Variants in LHFPL7 observed in about 807,000 individuals in gnomAD.
The protein encoded by LHFPL7 is LHFPL tetraspan subfamily member 7 protein.
the LHFPL7 span, chr22:24,935,662 G>A: frequency 2.0e-4 from 312 of 1,547,016 alleles, no homozygotes; most frequent in Non-Finnish European, 2.6e-4. Context: ...TCCATCCCAC[G>A]ACTCATCCAC....
the LHFPL7 span, among the ~76,000 whole-genome samples, chr22:24,946,293 G>C: frequency 6.6e-6 from 1 of 152,094 alleles, no homozygotes; most frequent in Non-Finnish European, 1.5e-5. Flanking sequence ...CTGGGCGACA[G>C]AGCAAGACTG....
chr22:24,939,338 C>T, the LHFPL7 span: 1 of 702,938 alleles, frequency 1.4e-6, no homozygotes, highest in South Asian at 1.5e-5. Flanking sequence ...CTCTCACCTT[C>T]CAGGCAAAGT....
the LHFPL7 span, among the ~76,000 whole-genome samples, chr22:24,946,008 G>T: frequency 2.0e-5 from 3 of 152,176 alleles, no homozygotes; most frequent in Non-Finnish European, 2.9e-5. Flanking sequence ...TTGAAGATAT[G>T]ATTTAAAACT....
chr22:24,937,343 C>G, the LHFPL7 span, among the ~76,000 whole-genome samples: 22 of 152,240 alleles, frequency 1.4e-4, 1 homozygote, highest in East Asian at 1.5e-3. Context: ...ATATGAGCAA[C>G]AGATTGCAAA....
At chr22:24,938,014 C>T in the LHFPL7 span, 10 of 1,334,810 alleles carry the variant, frequency 7.5e-6, no homozygotes, top group Non-Finnish European at 9.0e-6. Context: ...GAATAGTCAA[C>T]AATCCTAGGG....
chr22:24,938,350 C>G, the LHFPL7 span: 3 of 1,612,120 alleles, frequency 1.9e-6, no homozygotes, highest in South Asian at 3.3e-5. Context: ...CTCCGAGGAG[C>G]ATCACAGCTG....
chr22:24,939,308 C>G, the LHFPL7 span: 1 of 702,612 alleles, frequency 1.4e-6, no homozygotes. Flanking sequence ...CCCTGAAGAC[C>G]CAGTGACTTG....
chr22:24,936,384 A>G, the LHFPL7 span, among the ~76,000 whole-genome samples: 75 of 152,222 alleles, frequency 4.9e-4, no homozygotes, highest in African/African-American at 1.7e-3. Flanking sequence ...CCATCCATCT[A>G]TCCATTCATC....
At chr22:24,935,370 G>A in the LHFPL7 span, 2 of 1,613,954 alleles carry the variant, frequency 1.2e-6, no homozygotes, top group Non-Finnish European at 1.7e-6. Flanking sequence ...GATTCTCTCG[G>A]TGGCACTGGA....
the LHFPL7 span, among the ~76,000 whole-genome samples, chr22:24,940,757 C>G: frequency 2.1e-5 from 3 of 140,682 alleles, no homozygotes; most frequent in South Asian, 5.2e-4. Flanking sequence ...TTCCCTCCCT[C>G]CCTCCCTCCT....
the LHFPL7 span, among the ~76,000 whole-genome samples, chr22:24,938,912 A>G: frequency 6.6e-6 from 1 of 152,220 alleles, no homozygotes; most frequent in Admixed American, 6.5e-5. Flanking sequence ...GTTGGGGGCC[A>G]TCATAGATTT....
the LHFPL7 span, chr22:24,939,559 G>A: frequency 7.1e-6 from 5 of 702,414 alleles, no homozygotes; most frequent in Admixed American, 8.0e-5. Context: ...TGACCTAGGG[G>A]TCAACAGGGA....
At chr22:24,937,825 C>T in the LHFPL7 span, among the ~76,000 whole-genome samples, 3 of 152,210 alleles carry the variant, frequency 2.0e-5, no homozygotes, top group African/African-American at 7.2e-5. Context: ...CATGCTTGCA[C>T]AGTGCACAAC....
chr22:24,935,233 G>A, the LHFPL7 span: 1 of 1,483,298 alleles, frequency 6.7e-7, no homozygotes, highest in Non-Finnish European at 9.0e-7. Flanking sequence ...CTTGCCTGAA[G>A]TCACACAGCA....
At chr22:24,938,325 C>G in the LHFPL7 span, 126 of 1,612,850 alleles carry the variant, frequency 7.8e-5, no homozygotes, top group African/African-American at 1.5e-3. Flanking sequence ...GCATTGAAGG[C>G]CAACAGGAGC....
At chr22:24,935,256 GA>G in the LHFPL7 span, 1 of 1,530,510 alleles carries the variant, frequency 6.5e-7, no homozygotes, top group South Asian at 1.2e-5. Context: ...AAGGAGCAGA[GA>G]TGGGATTTGA....
the LHFPL7 span, among the ~76,000 whole-genome samples, chr22:24,939,122 G>C: frequency 1.3e-5 from 2 of 152,186 alleles, no homozygotes; most frequent in African/African-American, 4.8e-5. Flanking sequence ...ACAGAACTTG[G>C]CATCTTTGCA....
the LHFPL7 span, among the ~76,000 whole-genome samples, chr22:24,938,876 G>C: frequency 3.3e-5 from 5 of 152,180 alleles, no homozygotes; most frequent in Non-Finnish European, 7.3e-5. Context: ...CGTGCAGGTT[G>C]TATACTGCAC....
At chr22:24,942,904 T>G in the LHFPL7 span, among the ~76,000 whole-genome samples, 1 of 148,404 alleles carries the variant, frequency 6.7e-6, no homozygotes, top group South Asian at 2.2e-4. Flanking sequence ...TGTGTGTGTG[T>G]GTGTGTGTGT....
Sources: gnomAD v4.1 joint callset for allele counts (sites outside exome capture counted in the v4.1 genomes callset) on GRCh38, gnomAD v4.1.1 for gene constraint, MANE v1.5 for transcripts, NCBI Gene and HGNC (gene_info 2026-07-23, HGNC 2026-07-21) for gene names.